SMOC2: variants seen among roughly 807,000 people sequenced by gnomAD.
SMOC2 encodes SPARC-related modular calcium-binding protein 2.
SMOC2 carries 39 observed loss-of-function variants against 61.4 expected under a neutral mutation model. The ratio of observed to expected loss-of-function variants is 0.64; its 90% CI spans 0.49 to 0.83. SMOC2 has a LOEUF of 0.83. Among genes scored for constraint, SMOC2 ranks in the 40% least tolerant of loss-of-function variants. The pLI, the probability that SMOC2 is intolerant of heterozygous loss-of-function variation, is 0.00. For missense variants in SMOC2, 556 were observed against 592.9 expected (o/e 0.94, Z 0.65); for synonymous variants, 247 against 239.9 (o/e 1.03, Z -0.27).
chr6:168,471,445 T>C (rs528937929), intron 1 of SMOC2, among the ~76,000 whole-genome samples: 98 of 152,346 alleles, frequency 6.4e-4, no homozygotes, highest in African/African-American at 2.2e-3. Context: ...CTGAGTAATA[T>C]TCTATTGTAT....
At chr6:168,632,879 T>A (rs571411737) in intron 9 of SMOC2, among the ~76,000 whole-genome samples, 2 of 152,306 alleles carry the variant, frequency 1.3e-5, no homozygotes, top group Admixed American at 6.5e-5. Flanking sequence ...TTCGCTGACC[T>A]CTATTCAGAG....
chr6:168,468,881 A>G (rs1187245723), intron 1 of SMOC2, among the ~76,000 whole-genome samples: 1 of 152,214 alleles, frequency 6.6e-6, no homozygotes, highest in East Asian at 1.9e-4. Context: ...ACTCTCAGTA[A>G]TGTCTTTAAA....
intron 2 of SMOC2, among the ~76,000 whole-genome samples, chr6:168,512,490 C>T (rs1015553246): frequency 5.3e-5 from 8 of 152,218 alleles, no homozygotes; most frequent in African/African-American, 1.7e-4. Context: ...ACTGATTAAC[C>T]TCAATATGCT....
intron 7 of SMOC2, among the ~76,000 whole-genome samples, chr6:168,562,877 G>A (rs899877796): frequency 1.4e-4 from 21 of 152,330 alleles, no homozygotes; most frequent in African/African-American, 5.1e-4. Context: ...AGTTTCAGGA[G>A]GGGGTAGATC....
chr6:168,583,947 A>G (rs541335904), intron 7 of SMOC2, among the ~76,000 whole-genome samples: 111 of 152,340 alleles, frequency 7.3e-4, no homozygotes, highest in African/African-American at 2.5e-3. Flanking sequence ...CAGGCGAGGA[A>G]ACCAAGCATC....
chr6:168,577,807 G>A (rs1480998666), intron 7 of SMOC2, among the ~76,000 whole-genome samples: 1 of 152,210 alleles, frequency 6.6e-6, no homozygotes, highest in African/African-American at 2.4e-5. Flanking sequence ...AACGCATGGG[G>A]CCTGGAGGTG....
intron 1 of SMOC2, among the ~76,000 whole-genome samples, chr6:168,505,536 G>A (rs893253713): frequency 2.7e-5 from 4 of 150,578 alleles, no homozygotes; most frequent in South Asian, 4.2e-4. Context: ...TGAAATGTCC[G>A]TCTCTCAGAT....
intron 7 of SMOC2, among the ~76,000 whole-genome samples, chr6:168,586,151 A>G (rs2115166155): frequency 6.6e-6 from 1 of 152,114 alleles, no homozygotes; most frequent in South Asian, 2.1e-4. Flanking sequence ...AATTTATCTC[A>G]AATAAATTTG....
rs755636652 is a variant in SMOC2, at chr6:168,543,657, G to A, written c.496G>A (p.Gly166Ser). 5.6e-6 allele frequency: 9 copies of A among 1,613,528 alleles called. No homozygotes were observed. The highest frequency in any genetic ancestry group is 7.6e-6 in the Non-Finnish European group (9 of 1,179,754). ...AAATGAAAAGTTACCCCAACGCGAA[G>A]GCACAGGAAAAACAGGTAACTATCT... is the stretch of plus-strand genomic sequence containing the variant. Reference protein sequence around the residue: ...SVNEKLPQREGTGKTDDAAAP... With the variant: ...SVNEKLPQRESTGKTDDAAAP... Residue 166 changes from glycine (G) to serine (S), a missense_variant, in exon 5 of 13, where the codon GGC (glycine) becomes AGC (serine). Transcript: ENST00000356284.
chr6:168,659,567 A>ATG (rs1787427879), intron 11 of SMOC2, among the ~76,000 whole-genome samples: 1 of 71,616 alleles, frequency 1.4e-5, no homozygotes, highest in Non-Finnish European at 3.0e-5. Flanking sequence ...TGGAGGTTGT[A>ATG]GGTTGAGTCA....
Position 168,453,818 on chromosome 6 carries a change from A to C in SMOC2, c.84+12364A>C, listed in dbSNP as rs962825442. 2.1e-5 allele frequency among the ~76,000 whole-genome samples: 3 copies of C among 142,178 alleles called. No homozygotes were observed. The highest frequency in any genetic ancestry group is 8.0e-5 in the African/African-American group (3 of 37,710). 93.3% of individuals were successfully genotyped at this position (142,178 alleles called of 152,430 possible). A position where few individuals can be genotyped will look rare whatever the true frequency, so the allele number is the denominator to read the frequency against. On this transcript the variant is annotated intron_variant, in intron 1 of 12. Coordinates refer to ENST00000356284, the MANE Select transcript of SMOC2 (RefSeq NM_001166412.2). The surrounding 1 kb of genome is among the most constrained non-coding windows in gnomAD (Gnocchi z 4.4). ...CTGTCATTCTCCATCTCTGTCCTCT[A>C]TCTCTCTCCGTCTCTCTGTTTGTCT...
chr6:168,657,234 C>A (rs112893307), intron 11 of SMOC2, among the ~76,000 whole-genome samples: 3,231 of 152,282 alleles, frequency 0.021, 130 homozygotes, highest in African/African-American at 0.073. Flanking sequence ...CTGAGGGGGA[C>A]GAGGTCACAG....
intron 8 of SMOC2, among the ~76,000 whole-genome samples, 173 bp downstream of exon 8, chr6:168,599,177 ACACCCACACACACT>A (rs1785420434): frequency 1.8e-5 from 2 of 108,300 alleles, no homozygotes. Flanking sequence ...GCTCTCACAC[ACACCCACACACACT>A]CATACCACAC....
intron 1 of SMOC2, among the ~76,000 whole-genome samples, chr6:168,501,686 C>T (rs2749246): frequency 0.75 from 114,819 of 152,226 alleles, 43,524 homozygotes; most frequent in African/African-American, 0.81. Context: ...GGCAGTGTGG[C>T]AAACAGAGAA....
intron 9 of SMOC2, among the ~76,000 whole-genome samples, chr6:168,642,211 G>T (rs1277591112): frequency 6.6e-6 from 1 of 152,222 alleles, no homozygotes; most frequent in Non-Finnish European, 1.5e-5. Flanking sequence ...CCACAGGGTA[G>T]AAGAAGATTT....
At chr6:168,525,134 A>AT (rs1249759190) in intron 2 of SMOC2, among the ~76,000 whole-genome samples, 3 of 152,226 alleles carry the variant, frequency 2.0e-5, no homozygotes, top group African/African-American at 4.8e-5. Flanking sequence ...AAGGAAAGCC[A>AT]TTTTTTCAAG....
At chr6:168,491,684 G>A (rs1342660086) in intron 1 of SMOC2, among the ~76,000 whole-genome samples, 1 of 152,202 alleles carries the variant, frequency 6.6e-6, no homozygotes, top group African/African-American at 2.4e-5. Context: ...TGCATGAGCT[G>A]TGGGAATGTG....
intron 8 of SMOC2, among the ~76,000 whole-genome samples, chr6:168,603,922 G>C (rs1268048688): frequency 6.6e-6 from 1 of 152,204 alleles, no homozygotes; most frequent in African/African-American, 2.4e-5. Context: ...AAGGTGGGGT[G>C]TATCAGTTAG....
intron 1 of SMOC2, among the ~76,000 whole-genome samples, chr6:168,483,467 C>T (rs577464874): frequency 6.6e-6 from 1 of 152,178 alleles, no homozygotes; most frequent in East Asian, 1.9e-4. Flanking sequence ...ACACATCCCA[C>T]GTTCATGGAT....
Sources: allele counts gnomAD v4.1 joint callset (sites outside exome capture counted in the v4.1 genomes callset), GRCh38; gene constraint gnomAD v4.1.1; non-coding constraint Gnocchi (gnomAD v3.1); transcripts MANE v1.5; gene names NCBI Gene and HGNC (gene_info 2026-07-23, HGNC 2026-07-21).